Variants in P4HA1 observed in about 807,000 individuals in gnomAD.
P4HA1 encodes the protein prolyl 4-hydroxylase subunit alpha-1.
A neutral mutation model predicts 72.8 loss-of-function variants in P4HA1; 24 were observed. The ratio of observed to expected loss-of-function variants is 0.33; its 90% confidence interval spans 0.24 to 0.46. The LOEUF is 0.46. Among genes scored for constraint, P4HA1 ranks in the 20% least tolerant of loss-of-function variants. The pLI is 1.00. For missense variants in P4HA1, 446 were observed against 640.6 expected, an observed-to-expected ratio of 0.70 and a Z score of 3.28; for synonymous variants, 201 against 218.8, an observed-to-expected ratio of 0.92 and a Z score of 0.72.
chr10:73,018,924 G>T (rs1840070962), intron 10 of P4HA1, among the ~76,000 whole-genome samples: 1 of 151,984 alleles, frequency 6.6e-6, no homozygotes, highest in Non-Finnish European at 1.5e-5. Context: ...TAACACCCAG[G>T]TGTTACAATA....
At chr10:73,071,153 T>TCCAGC (rs1841551482) in intron 4 of P4HA1, 2 of 149,086 alleles carry the variant, frequency 1.3e-5, no homozygotes, top group South Asian at 4.2e-4. Flanking sequence ...GCCACTGTAC[T>TCCAGC]CCAGCCTGGG....
intron 10 of P4HA1, 48 bp from the exon 11 acceptor site, chr10:73,016,947 TA>T (rs1473500822): frequency 6.8e-7 from 1 of 1,470,666 alleles, no homozygotes; most frequent in Admixed American, 1.9e-5. Context: ...TAAAGATTAC[TA>T]TTCAAAAAAA....
chr10:73,009,050 T>A (rs186680731), intron 14 of P4HA1, among the ~76,000 whole-genome samples: 1 of 152,268 alleles, frequency 6.6e-6, no homozygotes, highest in East Asian at 1.9e-4. Flanking sequence ...GAAAACAGCT[T>A]TCTAAACTCT....
chr10:73,013,037 C>A (rs1009276511), intron 12 of P4HA1, among the ~76,000 whole-genome samples: 2 of 152,186 alleles, frequency 1.3e-5, no homozygotes, highest in Non-Finnish European at 2.9e-5. Context: ...CTCAAGTGAT[C>A]TGCCCGCCTC....
intron 10 of P4HA1, among the ~76,000 whole-genome samples, chr10:73,029,134 GCA>G (rs1380128759): frequency 6.6e-6 from 1 of 150,576 alleles, no homozygotes; most frequent in Non-Finnish European, 1.5e-5. Flanking sequence ...ACCAGGCCAG[GCA>G]CAGTGCCTCA....
chr10:73,013,983 A>G (rs1472314353), intron 12 of P4HA1, among the ~76,000 whole-genome samples: 1 of 152,204 alleles, frequency 6.6e-6, no homozygotes, highest in Non-Finnish European at 1.5e-5. Flanking sequence ...TAAAATATTA[A>G]TGATTATCTG....
At chr10:73,015,134 A>G (rs988571070) in intron 11 of P4HA1, among the ~76,000 whole-genome samples, 2 of 151,972 alleles carry the variant, frequency 1.3e-5, no homozygotes, top group African/African-American at 4.8e-5. Flanking sequence ...CCTGGCCCCT[A>G]GTATTATTTT....
In P4HA1 at chr10:73,038,622, CTTTTTTTTT is replaced by C. The variant is rs745518781; in HGVS notation, c.1148+6350_1148+6358del. 1.8e-5 allele frequency among the ~76,000 whole-genome samples: 2 copies of C among 108,842 alleles called. 1 individual carries two copies. Among genetic ancestry groups the C allele is most frequent in the East Asian group, 5.6e-4 (2 of 3,602 alleles). 71.4% of individuals were successfully genotyped at this position (108,842 alleles called of 152,430 possible). ...AGTAAATTCTTAGGGTTTTTATTTG[CTTTTTTTTT>C]TTTTTTTTTTTTTGAGACGGAGTCT... is the stretch of plus-strand genomic sequence containing the variant. On this transcript the variant is annotated intron_variant, in intron 9 of 14. Coordinates refer to ENST00000394890, the MANE Select transcript of P4HA1 (RefSeq NM_001017962.3).
intron 14 of P4HA1, 30 bp from the exon 15 acceptor site, chr10:73,008,322 C>T (rs772525633): frequency 6.1e-6 from 8 of 1,301,472 alleles, no homozygotes; most frequent in South Asian, 1.2e-5. Context: ...TATTAATTTT[C>T]CCCCTTAATC....
intron 1 of P4HA1, among the ~76,000 whole-genome samples, chr10:73,086,168 C>T (rs1255063833): frequency 1.3e-5 from 2 of 152,244 alleles, no homozygotes; most frequent in Non-Finnish European, 2.9e-5. Context: ...CCAGATATTT[C>T]ACTCATAGGT....
In P4HA1 at chr10:73,059,424, T is replaced by TAAAAAAAAAA. The variant is rs920360586; in HGVS notation, c.464-5844_464-5835dup. ...GGGCAAAATAATGAGACAATATATT[T>TAAAAAAAAAA]AAAAAAAAAAAAAAAAAAAAAAAAA... On this transcript the variant is annotated intron_variant, in intron 5 of 14. Coordinates refer to ENST00000394890, the MANE Select transcript of P4HA1 (RefSeq NM_001017962.3). 1.7e-4 allele frequency among the ~76,000 whole-genome samples: 4 copies of TAAAAAAAAAA among 24,178 alleles called. 2 individuals carry two copies. Among genetic ancestry groups the TAAAAAAAAAA allele is most frequent in the Admixed American group, 9.9e-4 (2 of 2,012 alleles). 15.9% of individuals were successfully genotyped at this position (24,178 alleles called of 152,430 possible).
In P4HA1 at chr10:73,046,977, T is replaced by C. The variant is rs761537737; in HGVS notation, c.1025A>G (p.Asp342Gly). Residue 342 changes from aspartate (D) to glycine (G), a missense_variant, in exon 8 of 15, where the codon GAT becomes GGT. Physicochemically the swap from Asp to Gly is moderately conservative, Grantham distance 94 (BLOSUM62 -1). Transcript: ENST00000394890. ...WDKPRIIRFH[D>G]IISDAEIEIV... ...TTCAATTTCTGCATCAGAAATAATATCATGGAAGCGAATAATACGAGGCTT... is the reference window on the plus strand; with the variant it reads ...TTCAATTTCTGCATCAGAAATAATACCATGGAAGCGAATAATACGAGGCTT... The C allele has an allele frequency of 6.2e-7, 1 of 1,613,082 alleles. No homozygotes were observed. The highest frequency in any genetic ancestry group is 2.2e-5 in the East Asian group (1 of 44,856).
chr10:73,030,305 G>C lies in P4HA1; in HGVS notation c.1214C>G (p.Thr405Arg). 6.4e-7 allele frequency: 1 copy of C among 1,571,688 alleles called. No individual in the cohort carries two copies. The highest frequency in any genetic ancestry group is 8.7e-7 in the Non-Finnish European group (1 of 1,151,238). The change falls in exon 10 of 15, where the codon ACA (threonine) becomes AGA (arginine). Residue 405 changes from threonine (T) to arginine (R), a missense_variant. Coordinates refer to ENST00000394890, the MANE Select transcript of P4HA1 (RefSeq NM_001017962.3). ...SRINMRIQDLTGLDVSTAEEL... is the reference protein window; with the variant it reads ...SRINMRIQDLRGLDVSTAEEL... ...CTCTGCTGTGGAAACATCTAGTCCT[G>C]TTAGATCTTGTATTCTCATATTAAT...
chr10:73,072,286 A>G (rs1420463643), intron 3 of P4HA1, 106 bp from the exon 4 acceptor site: 20 of 822,334 alleles, frequency 2.4e-5, no homozygotes, highest in Non-Finnish European at 3.6e-5. Context: ...GAGTTCAACT[A>G]TATCTGTAGT....
At chr10:73,088,954 T>C (rs1402560475) in intron 1 of P4HA1, among the ~76,000 whole-genome samples, 2 of 152,358 alleles carry the variant, frequency 1.3e-5, no homozygotes, top group East Asian at 3.9e-4. Context: ...TTTTTCAAAA[T>C]TGTTTTAGCT....
rs368923576 is a variant in P4HA1 at position 73,067,841 on chromosome 10, A to ACTC, written c.463+1002_463+1004dup. Reference sequence around the variant, plus strand: ...TATCCTGAATTTCTCCCATCCAAGCACTCATCTTACTATACTGTAAGAATG... The same window carrying ACTC: ...TATCCTGAATTTCTCCCATCCAAGCACTCCTCATCTTACTATACTGTAAGAATG... On this transcript the variant is annotated intron_variant, in intron 5 of 14. Coordinates refer to ENST00000394890, the MANE Select transcript of P4HA1 (RefSeq NM_001017962.3). Among the ~76,000 whole-genome samples the ACTC allele has an allele frequency of 2.7e-3, 403 of 151,884 alleles. 2 individuals are homozygous for ACTC. Among genetic ancestry groups the ACTC allele is most frequent in the African/African-American group, 9.2e-3 (383 of 41,416 alleles).
chr10:73,051,165 G>A lies in P4HA1; in HGVS notation c.788C>T (p.Ser263Leu). 1 of 1,611,366 alleles carries A rather than the reference G, an allele frequency of 6.2e-7. No individual in the cohort carries two copies. Among genetic ancestry groups the A allele is most frequent in the Non-Finnish European group, 8.5e-7 (1 of 1,177,522 alleles). The change falls in exon 7 of 15, where the codon TCA (serine) becomes TTA (leucine). Residue 263 changes from serine (S) to leucine (L), a missense_variant. Physicochemically the swap from Ser to Leu is moderately radical, Grantham distance 145. Transcript: ENST00000394890. ...AGTTTTCTGATCAGATTGGTCATCT[G>A]AAGCAGACTTATTGACATCTTTTTC... ...AKEKDVNKSA[S>L]DDQSDQKTTP...
intron 3 of P4HA1, among the ~76,000 whole-genome samples, chr10:73,073,169 C>CAAA (rs753465901): frequency 6.6e-4 from 41 of 61,828 alleles, no homozygotes; most frequent in African/African-American, 1.2e-3. Context: ...GACTCTGTCA[C>CAAA]AAAAAAAAAA....
chr10:73,022,876 A>G (rs1230627305), intron 10 of P4HA1, among the ~76,000 whole-genome samples: 1 of 152,244 alleles, frequency 6.6e-6, no homozygotes, highest in African/African-American at 2.4e-5. Context: ...GATTTGATCA[A>G]GTGGAACAAA....
Sources: allele counts gnomAD v4.1 joint callset (sites outside exome capture counted in the v4.1 genomes callset), GRCh38; gene constraint gnomAD v4.1.1; transcripts MANE v1.5; gene names NCBI Gene and HGNC (gene_info 2026-07-23, HGNC 2026-07-21).